ARHGEF18: variants seen among roughly 807,000 people sequenced by gnomAD.
ARHGEF18 encodes the protein rho guanine nucleotide exchange factor 18.
A neutral mutation model predicts 155.7 loss-of-function variants in ARHGEF18; 93 were observed. That is an observed-to-expected ratio of 0.60 (90% CI 0.50 to 0.71). The LOEUF (loss-of-function observed/expected upper bound fraction) is 0.71, where lower values mean the gene tolerates loss of function less well. Among genes scored for constraint, ARHGEF18 ranks in the 30% least tolerant of loss-of-function variants. ARHGEF18 has a pLI of 0.00. For missense variants in ARHGEF18, 1,593 were observed against 1,816.1 expected (o/e 0.88, Z 2.23); for synonymous variants, 742 against 753.1 (o/e 0.99, Z 0.24).
Position 7,403,549 on chromosome 19 carries a change from C to T in ARHGEF18, c.967+20346C>T, listed in dbSNP as rs993351105. Among the ~76,000 whole-genome samples the T allele has an allele frequency of 2.0e-3, 264 of 130,162 alleles. 2 individuals carry two copies. Among genetic ancestry groups the T allele is most frequent in the African/African-American group, 0.011 (249 of 23,412 alleles). The allele number at this position is 130,162 out of a possible 152,430, so 85.4% of individuals were successfully genotyped here. On this transcript the variant is annotated intron_variant, in intron 10 of 28. Transcript: ENST00000668164. The stretch of plus-strand genomic sequence containing the variant: ...TAGCTTTTTCTTTCTTTCTTTCTTT[C>T]TTTCTTTTTTTTTTTTTTGAGACGG...
chr19:7,431,178 GT>G (rs1257342293), intron 10 of ARHGEF18, among the ~76,000 whole-genome samples: 1 of 151,948 alleles, frequency 6.6e-6, no homozygotes, highest in Non-Finnish European at 1.5e-5. Flanking sequence ...TAAAATAACA[GT>G]AGTACCTACT....
intron 10 of ARHGEF18, among the ~76,000 whole-genome samples, chr19:7,439,280 A>ACAC (rs1555720483): frequency 6.9e-6 from 1 of 144,944 alleles, no homozygotes; most frequent in African/African-American, 2.6e-5. Flanking sequence ...ACATAGTGAG[A>ACAC]CCCCCCCCCA....
At chr19:7,452,655 G>A (rs1460108900) in intron 16 of ARHGEF18, among the ~76,000 whole-genome samples, 4 of 151,668 alleles carry the variant, frequency 2.6e-5, no homozygotes, top group Non-Finnish European at 4.4e-5. Flanking sequence ...TAGTAGAGAC[G>A]AGGTTTCTTC....
Position 7,464,461 on chromosome 19 carries a change from C to T in ARHGEF18, c.2774-99C>T. On this transcript the variant is annotated intron_variant, in intron 22 of 28. Transcript: ENST00000668164. ...GCAGACGCCACCATTCGGGCCTAGC[C>T]TGGGTTTCCTACCTGGGCAGGGGCT... 2.0e-6 allele frequency: 3 copies of T among 1,471,326 alleles called. No homozygotes were observed. The South Asian group carries it at 4.0e-5, about 19-fold the overall frequency. 91.1% of individuals were successfully genotyped at this position (1,471,326 alleles called of 1,614,324 possible).
At chr19:7,413,522 C>T (rs1018541509) in intron 10 of ARHGEF18, among the ~76,000 whole-genome samples, 5 of 152,032 alleles carry the variant, frequency 3.3e-5, no homozygotes, top group Non-Finnish European at 7.4e-5. Context: ...AGGATGGTTT[C>T]GATCTCCTGA....
At chr19:7,371,581 G>A (rs903137140) in intron 2 of ARHGEF18, among the ~76,000 whole-genome samples, 17 of 152,136 alleles carry the variant, frequency 1.1e-4, no homozygotes, top group African/African-American at 4.1e-4. Context: ...AGCATCTTGG[G>A]AGGCCGAGGC....
chr19:7,389,602 T>C lies in ARHGEF18; in HGVS notation c.967+6399T>C, dbSNP rs562471312. On this transcript the variant is annotated intron_variant, in intron 10 of 28. Coordinates refer to ENST00000668164, the MANE Select transcript of ARHGEF18 (RefSeq NM_001367823.1). ...AGGCTGGAGTGCAGTGGCACAATCTTGGCTCACTGCAACCTCCACCTCCTG... is the reference window on the plus strand; with the variant it reads ...AGGCTGGAGTGCAGTGGCACAATCTCGGCTCACTGCAACCTCCACCTCCTG... Among the ~76,000 whole-genome samples, 36 of 151,500 alleles carry C rather than the reference T, an allele frequency of 2.4e-4. No homozygotes were observed. In the East Asian group the frequency reaches 6.9e-3, roughly 29 times the overall value.
chr19:7,360,370 G>A (rs1969495688), intron 1 of ARHGEF18, among the ~76,000 whole-genome samples: 1 of 151,990 alleles, frequency 6.6e-6, no homozygotes, highest in South Asian at 2.1e-4. Context: ...CTAGTAGCTG[G>A]AATTATAAGC....
Position 7,470,348 on chromosome 19 carries a change from C to G in ARHGEF18, c.*50C>G. On this transcript the variant is annotated 3_prime_UTR_variant, in exon 29 of 29. Transcript: ENST00000668164. This position sits in a 1 kb window ranked among gnomAD's most constrained non-coding sequence, Gnocchi z 5.9. Reference sequence around the variant, plus strand: ...GCCCCTCCCTGCCCTGCCCACCCTTCCTGCTCTCTGGGGACCCCCATGGGG... The same window carrying G: ...GCCCCTCCCTGCCCTGCCCACCCTTGCTGCTCTCTGGGGACCCCCATGGGG... 6 of 1,398,552 alleles carry G rather than the reference C, an allele frequency of 4.3e-6. No individual in the cohort carries two copies. Among genetic ancestry groups the G allele is most frequent in the Non-Finnish European group, 5.6e-6 (6 of 1,071,034 alleles). The allele number at this position is 1,398,552 out of a possible 1,614,324, so 86.6% of individuals were successfully genotyped here.
At chr19:7,457,353 C>CTCTTTTTTTTT (rs1975902604) in intron 18 of ARHGEF18, among the ~76,000 whole-genome samples, 1 of 60,216 alleles carries the variant, frequency 1.7e-5, no homozygotes, top group African/African-American at 8.1e-5. Context: ...AATCACCTCT[C>CTCTTTTTTTTT]TTTTTTTTTT....
At chr19:7,399,844 C>T (rs537411834) in intron 10 of ARHGEF18, among the ~76,000 whole-genome samples, 2 of 150,972 alleles carry the variant, frequency 1.3e-5, no homozygotes, top group Non-Finnish European at 2.9e-5. Flanking sequence ...ACGATCACAG[C>T]TCACTACAGC....
intron 1 of ARHGEF18, among the ~76,000 whole-genome samples, chr19:7,362,015 A>G (rs1385276298): frequency 2.9e-5 from 1 of 35,070 alleles, no homozygotes; most frequent in Non-Finnish European, 5.8e-5. Flanking sequence ...AAGAAGAAGA[A>G]GGAGAAGGAG....
At chr19:7,408,310 T>C (rs1407236237) in intron 10 of ARHGEF18, among the ~76,000 whole-genome samples, 1 of 152,246 alleles carries the variant, frequency 6.6e-6, no homozygotes, top group East Asian at 1.9e-4. Context: ...AATAAATATT[T>C]CAGGCTTTGC....
At chr19:7,385,973 CCTCTCTCCCT>C (rs1971045008) in intron 10 of ARHGEF18, among the ~76,000 whole-genome samples, 1 of 72,044 alleles carries the variant, frequency 1.4e-5, no homozygotes, top group Non-Finnish European at 2.8e-5. Flanking sequence ...CCCCTCTCTC[CCTCTCTCCCT>C]CTCTCTCTCT....
intron 17 of ARHGEF18, among the ~76,000 whole-genome samples, chr19:7,456,074 A>G (rs907852235): frequency 6.6e-6 from 1 of 152,244 alleles, no homozygotes; most frequent in East Asian, 1.9e-4. Flanking sequence ...GTGGCCTGAC[A>G]TGGGCGGGAG....
chr19:7,381,382 G>T (rs528442905), intron 8 of ARHGEF18, among the ~76,000 whole-genome samples: 3 of 152,106 alleles, frequency 2.0e-5, no homozygotes, highest in African/African-American at 7.2e-5. Context: ...CACTTTATCC[G>T]AAACAGCAGT....
At chr19:7,396,866 G>A (rs1190416154) in intron 10 of ARHGEF18, among the ~76,000 whole-genome samples, 1 of 152,088 alleles carries the variant, frequency 6.6e-6, no homozygotes, top group Non-Finnish European at 1.5e-5. Context: ...GGGTTTCTAT[G>A]AAGTAATCTG....
chr19:7,477,089 G>T, downstream of ARHGEF18: 1 of 1,033,386 alleles, frequency 9.7e-7, no homozygotes, highest in Non-Finnish European at 1.3e-6. Context: ...CCTGCCCATG[G>T]GTTTCACCAC....
chr19:7,476,420 C>T (rs1389381594), downstream of ARHGEF18, among the ~76,000 whole-genome samples: 1 of 152,222 alleles, frequency 6.6e-6, no homozygotes, highest in East Asian at 1.9e-4. Context: ...CTGCCAGAGG[C>T]CACATGTGCA....
Sources: gnomAD v4.1 joint callset for allele counts (sites outside exome capture counted in the v4.1 genomes callset) on GRCh38, gnomAD v4.1.1 for gene constraint, Gnocchi (gnomAD v3.1) non-coding constraint, MANE v1.5 for transcripts, NCBI Gene and HGNC (gene_info 2026-07-23, HGNC 2026-07-21) for gene names.